Variants in EFR3B observed in about 807,000 individuals in gnomAD.
EFR3B encodes protein EFR3 homolog B.
EFR3B carries 64 observed loss-of-function variants against 104.7 expected under a neutral mutation model. The ratio of observed to expected loss-of-function variants is 0.61; its 90% CI spans 0.50 to 0.75. EFR3B has a LOEUF of 0.75. Ranked by LOEUF, EFR3B falls within the 30% of genes least tolerant of loss-of-function variation. The pLI is 0.00. For missense variants in EFR3B, 750 were observed against 1,078.5 expected (o/e 0.70, Z 4.27); for synonymous variants, 385 against 417.9 (o/e 0.92, Z 0.96).
Position 25,130,498 on chromosome 2 carries a change from C to T in EFR3B, c.771-54C>T, listed in dbSNP as rs1253292716. On this transcript the variant is annotated intron_variant, in intron 7 of 22. Transcript: ENST00000403714. The surrounding 1 kb of genome is among the most constrained non-coding windows in gnomAD (Gnocchi z 4.6). ...CTCTGCCTCCAAGCTAATCTCTTCT[C>T]CCTAACACTGCCGGGAGTTTCATAG... 9.0e-6 allele frequency: 13 copies of T among 1,440,574 alleles called. No homozygotes were observed. Among genetic ancestry groups the T allele is most frequent in the Non-Finnish European group, 1.2e-5 (13 of 1,045,906 alleles). 89.2% of individuals were successfully genotyped at this position (1,440,574 alleles called of 1,614,324 possible).
chr2:25,109,218 A>G (rs1669653150), intron 4 of EFR3B, among the ~76,000 whole-genome samples: 1 of 152,076 alleles, frequency 6.6e-6, no homozygotes, highest in Non-Finnish European at 1.5e-5. Flanking sequence ...TCTCATAGAT[A>G]TTTTCACAAA....
At chr2:25,115,185 AAAAAG>A (rs1175787018) in intron 4 of EFR3B, among the ~76,000 whole-genome samples, 5 of 152,164 alleles carry the variant, frequency 3.3e-5, no homozygotes, top group African/African-American at 4.8e-5. Context: ...CTGTCTCAAG[AAAAAG>A]AAAAGAAAAG....
At chr2:25,150,001 C>A (rs983262086) in intron 20 of EFR3B, among the ~76,000 whole-genome samples, 1 of 152,102 alleles carries the variant, frequency 6.6e-6, no homozygotes, top group Non-Finnish European at 1.5e-5. Flanking sequence ...AAGACAGCTG[C>A]CTTTAAAAGT....
Position 25,131,929 on chromosome 2 carries a change from G to A in EFR3B, c.1147+18G>A. 1.1e-5 allele frequency: 16 copies of A among 1,474,520 alleles called. No homozygotes were observed. The highest frequency in any genetic ancestry group is 6.8e-5 in the South Asian group (5 of 73,650). 91.3% of individuals were successfully genotyped at this position (1,474,520 alleles called of 1,614,324 possible). The stretch of plus-strand genomic sequence containing the variant: ...GACCGTGGGTGCGGCGCGGGGCCGG[G>A]CCGGGGCGGGGCGGGGCCGAGGCGC... On this transcript the variant is annotated intron_variant, in intron 10 of 22. Coordinates refer to ENST00000403714, the MANE Select transcript of EFR3B (RefSeq NM_014971.2). The surrounding 1 kb of genome is among the most constrained non-coding windows in gnomAD (Gnocchi z 7.6).
At chr2:25,067,969 C>T (rs1033854157) in intron 1 of EFR3B, among the ~76,000 whole-genome samples, 2 of 152,082 alleles carry the variant, frequency 1.3e-5, no homozygotes, top group Non-Finnish European at 2.9e-5. Context: ...TGTGAGCCAC[C>T]GCACCTGGCC....
At chr2:25,045,033 G>A (rs1048944805) in intron 1 of EFR3B, among the ~76,000 whole-genome samples, 2 of 152,178 alleles carry the variant, frequency 1.3e-5, no homozygotes, top group South Asian at 2.1e-4. Flanking sequence ...AAAGTGAAAC[G>A]CATGTCTGTC....
At chr2:25,043,095 T>C (rs1446895691) in intron 1 of EFR3B, among the ~76,000 whole-genome samples, 1 of 152,120 alleles carries the variant, frequency 6.6e-6, no homozygotes, top group Non-Finnish European at 1.5e-5. Context: ...GGGTCCCACA[T>C]TGCAGCTCTG....
At chr2:25,123,708 T>C (rs1670083151) in intron 5 of EFR3B, among the ~76,000 whole-genome samples, 1 of 152,268 alleles carries the variant, frequency 6.6e-6, no homozygotes, top group African/African-American at 2.4e-5. Flanking sequence ...GCCACATATG[T>C]CTGTAACACA....
chr2:25,044,451 G>A (rs769274181), intron 1 of EFR3B, among the ~76,000 whole-genome samples: 4 of 152,178 alleles, frequency 2.6e-5, no homozygotes, highest in Middle Eastern at 3.2e-3. Context: ...GTTTGGGGGC[G>A]GGGATCACAG....
At chr2:25,122,733 C>T (rs1451390000) in intron 5 of EFR3B, among the ~76,000 whole-genome samples, 4 of 152,054 alleles carry the variant, frequency 2.6e-5, no homozygotes, top group African/African-American at 9.7e-5. Flanking sequence ...GCCCACTCCT[C>T]CCTCACTCTG....
chr2:25,135,194 C>G (rs1173495306), intron 12 of EFR3B, among the ~76,000 whole-genome samples: 1 of 152,204 alleles, frequency 6.6e-6, no homozygotes. Flanking sequence ...TCCCGCTTCC[C>G]TCCAGGGCTC....
intron 1 of EFR3B, among the ~76,000 whole-genome samples, chr2:25,077,746 T>C (rs887774278): frequency 6.6e-6 from 1 of 152,248 alleles, no homozygotes; most frequent in African/African-American, 2.4e-5. Flanking sequence ...CTAATAGTTA[T>C]CTTTGAATTA....
In EFR3B at chr2:25,130,207, C is replaced by G. The variant is rs1177156984; in HGVS notation, c.770+98C>G. 1.3e-6 allele frequency: 2 copies of G among 1,502,330 alleles called. No individual in the cohort carries two copies. The highest frequency in any genetic ancestry group is 2.8e-5 in the African/African-American group (2 of 72,080). 93.1% of individuals were successfully genotyped at this position (1,502,330 alleles called of 1,614,324 possible). On this transcript the variant is annotated intron_variant, in intron 7 of 22. Transcript: ENST00000403714. The surrounding 1 kb of genome is among the most constrained non-coding windows in gnomAD (Gnocchi z 4.6). ...GCTGGCTGGGGGGAAGGGGATATTA[C>G]AGTTGTGGTGCCGCAGCCGAGTCGA... is the stretch of plus-strand genomic sequence containing the variant.
At chr2:25,092,489 G>A (rs1669156037) in intron 2 of EFR3B, among the ~76,000 whole-genome samples, 1 of 151,352 alleles carries the variant, frequency 6.6e-6, no homozygotes, top group East Asian at 1.9e-4. Flanking sequence ...ATACATTCAT[G>A]TATATATATC....
At position 25,157,272 on chromosome 2, in the gene EFR3B, T is replaced by C. The variant is rs1671200208; in HGVS notation, c.*2932T>C. 1 of 152,208 alleles carries C rather than the reference T, an allele frequency of 6.6e-6. No individual in the cohort carries two copies. The allele number at this position is 152,208 out of a possible 1,614,324, so 9.4% of individuals were successfully genotyped here. On this transcript the variant is annotated 3_prime_UTR_variant, in exon 23 of 23. Coordinates refer to ENST00000403714, the MANE Select transcript of EFR3B (RefSeq NM_014971.2). ...ACACTCAGTAGAGTGTTGGGTTGTC[T>C]GCTGACATGGAGTAGAACCTGGATT...
chr2:25,145,815 C>T (rs1670796763), intron 19 of EFR3B: 1 of 152,142 alleles, frequency 6.6e-6, no homozygotes, highest in Non-Finnish European at 1.5e-5. Flanking sequence ...CCTCCCCTCC[C>T]CTGACACATG....
intron 1 of EFR3B, among the ~76,000 whole-genome samples, chr2:25,043,984 G>C (rs13031643): frequency 0.093 from 14,223 of 152,260 alleles, 879 homozygotes; most frequent in East Asian, 0.24. Context: ...ATCTGAAGGT[G>C]GGGGTCCCAG....
Position 25,131,554 on chromosome 2 carries a change from G to C in EFR3B, c.985+51G>C. ...GGCCGGGGACCCCGCGGAGGCTGCC[G>C]CCTCTTACAGAGAGAGGCAAGGGAC... On this transcript the variant is annotated intron_variant, in intron 9 of 22. Coordinates refer to ENST00000403714, the MANE Select transcript of EFR3B (RefSeq NM_014971.2). The surrounding 1 kb of genome is among the most constrained non-coding windows in gnomAD (Gnocchi z 7.6). 1 of 1,542,706 alleles carries C rather than the reference G, an allele frequency of 6.5e-7. No individual in the cohort carries two copies. The highest frequency in any genetic ancestry group is 8.7e-7 in the Non-Finnish European group (1 of 1,143,044).
At chr2:25,146,391 T>A (rs887698294) in intron 19 of EFR3B, 5 of 152,128 alleles carry the variant, frequency 3.3e-5, no homozygotes, top group African/African-American at 1.2e-4. Flanking sequence ...TCAAAGCTTA[T>A]CCAGAACCTT....
Sources: allele counts gnomAD v4.1 joint callset (sites outside exome capture counted in the v4.1 genomes callset), GRCh38; gene constraint gnomAD v4.1.1; non-coding constraint Gnocchi (gnomAD v3.1); transcripts MANE v1.5; gene names NCBI Gene and HGNC (gene_info 2026-07-23, HGNC 2026-07-21).